PTPN11: variants seen among roughly 807,000 people sequenced by gnomAD.
PTPN11 encodes protein tyrosine phosphatase non-receptor type 11.
A neutral mutation model predicts 78.8 loss-of-function variants in PTPN11; 6 were observed. The ratio of observed to expected loss-of-function variants is 0.08; its 90% confidence interval spans 0.04 to 0.15. PTPN11 has a LOEUF of 0.15. Among genes scored for constraint, PTPN11 ranks in the 10% least tolerant of loss-of-function variants. The pLI, the probability that PTPN11 is intolerant of heterozygous loss-of-function variation, is 1.00. For missense variants in PTPN11, 386 were observed against 744.8 expected, an observed-to-expected ratio of 0.52 and a Z score of 5.61; for synonymous variants, 221 against 263.5, an observed-to-expected ratio of 0.84 and a Z score of 1.56.
chr12:112,505,632 G>A (rs1224983965), intron 15 of PTPN11, among the ~76,000 whole-genome samples, 193 bp from the exon 16 acceptor site: 1 of 144,580 alleles, frequency 6.9e-6, no homozygotes, highest in Non-Finnish European at 1.5e-5. Context: ...ACTCCACCTG[G>A]GCCACAAGAG....
chr12:112,425,248 G>A (rs986870841), intron 1 of PTPN11, among the ~76,000 whole-genome samples: 4 of 151,178 alleles, frequency 2.6e-5, no homozygotes, highest in African/African-American at 9.7e-5. Context: ...GTTCATCAGT[G>A]GGGGGGGCTA....
At chr12:112,426,825 C>T (rs916298221) in intron 1 of PTPN11, among the ~76,000 whole-genome samples, 2 of 151,906 alleles carry the variant, frequency 1.3e-5, no homozygotes, top group Admixed American at 6.6e-5. Flanking sequence ...TTTGTAGATA[C>T]GAGGTCTCAC....
chr12:112,431,150 G>A (rs1258792479), intron 1 of PTPN11, among the ~76,000 whole-genome samples: 1 of 152,252 alleles, frequency 6.6e-6, no homozygotes, highest in Non-Finnish European at 1.5e-5. Context: ...GTGGATGTAG[G>A]AGAGAGCAGT....
intron 5 of PTPN11, 99 bp from the exon 6 acceptor site, chr12:112,455,850 TA>T (rs376134927): frequency 5.4e-5 from 42 of 772,990 alleles, no homozygotes; most frequent in East Asian, 4.1e-4. Context: ...TCCGTGCCTT[TA>T]TGAATATCAA....
chr12:112,441,971 G>T (rs1488921266), intron 1 of PTPN11, among the ~76,000 whole-genome samples: 1 of 151,656 alleles, frequency 6.6e-6, no homozygotes, highest in African/African-American at 2.4e-5. Context: ...TAGAGAGGGG[G>T]TTTCACTGTG....
At chr12:112,461,262 G>A (rs1314132048) in intron 6 of PTPN11, among the ~76,000 whole-genome samples, 1 of 151,332 alleles carries the variant, frequency 6.6e-6, no homozygotes, top group Non-Finnish European at 1.5e-5. Context: ...TGTTAGGTTG[G>A]CATATTTCTA....
chr12:112,425,810 C>T (rs1460079505), intron 1 of PTPN11, among the ~76,000 whole-genome samples: 1 of 152,158 alleles, frequency 6.6e-6, no homozygotes, highest in African/African-American at 2.4e-5. Flanking sequence ...CTTACTGTAG[C>T]CTCAACCTCC....
In PTPN11 at chr12:112,508,208, T is replaced by C. The variant is rs1162085235; in HGVS notation, c.*2416T>C. ...GTTTTGTTATAAGATATTGATTTCATTTAGATTTCCCTCCACGAGGTCAGC... is the reference window on the plus strand; with the variant it reads ...GTTTTGTTATAAGATATTGATTTCACTTAGATTTCCCTCCACGAGGTCAGC... On this transcript the variant is annotated 3_prime_UTR_variant, in exon 16 of 16. Transcript: ENST00000351677. 1 of 152,646 alleles carries C rather than the reference T, an allele frequency of 6.6e-6. No individual in the cohort carries two copies. The highest frequency in any genetic ancestry group is 2.4e-5 in the African/African-American group (1 of 41,454). 9.5% of individuals were successfully genotyped at this position (152,646 alleles called of 1,614,324 possible).
At chr12:112,426,514 C>T (rs555966631) in intron 1 of PTPN11, among the ~76,000 whole-genome samples, 2 of 152,208 alleles carry the variant, frequency 1.3e-5, no homozygotes, top group Non-Finnish European at 2.9e-5. Flanking sequence ...GCCTCAGCCT[C>T]CCAAAGTGAT....
At chr12:112,476,760 C>T (rs1018889370) in intron 7 of PTPN11, among the ~76,000 whole-genome samples, 3 of 152,082 alleles carry the variant, frequency 2.0e-5, no homozygotes, top group Non-Finnish European at 2.9e-5. Flanking sequence ...CAGAGGAAAA[C>T]CCTGTCTCAA....
intron 6 of PTPN11, among the ~76,000 whole-genome samples, chr12:112,460,303 A>G (rs1443488525): frequency 2.0e-5 from 3 of 152,186 alleles, no homozygotes; most frequent in Non-Finnish European, 1.5e-5. Context: ...AAAAATTTCA[A>G]ATGTGTATAA....
At chr12:112,473,804 C>G (rs1217258805) in intron 7 of PTPN11, among the ~76,000 whole-genome samples, 1 of 151,028 alleles carries the variant, frequency 6.6e-6, no homozygotes, top group Non-Finnish European at 1.5e-5. Context: ...CGAGATGTGC[C>G]ATTGCACTCC....
intron 7 of PTPN11, 143 bp downstream of exon 7, chr12:112,473,183 A>G (rs2135895245): frequency 4.2e-6 from 3 of 717,686 alleles, no homozygotes; most frequent in Admixed American, 2.3e-5. Context: ...TTCCAAAATA[A>G]TCAACCATGG....
chr12:112,442,463 T>A (rs2037908491), intron 1 of PTPN11, among the ~76,000 whole-genome samples: 1 of 152,036 alleles, frequency 6.6e-6, no homozygotes, highest in East Asian at 1.9e-4. Flanking sequence ...TTAATTAATT[T>A]ATTTTTTGAG....
At chr12:112,488,811 G>A (rs1253908745) in intron 12 of PTPN11, among the ~76,000 whole-genome samples, 1 of 152,152 alleles carries the variant, frequency 6.6e-6, no homozygotes, top group Admixed American at 6.5e-5. Flanking sequence ...GGCAAGTGAG[G>A]GAATCCTGAC....
chr12:112,457,211 C>G (rs1326510318), intron 6 of PTPN11: 7 of 393,434 alleles, frequency 1.8e-5, no homozygotes, highest in Non-Finnish European at 3.5e-5. Context: ...GAGTTTGCCC[C>G]CATCCCCAGA....
chr12:112,462,327 T>C (rs544751749), intron 6 of PTPN11, among the ~76,000 whole-genome samples: 2 of 152,132 alleles, frequency 1.3e-5, no homozygotes, highest in Admixed American at 1.3e-4. Flanking sequence ...CACTGTACTC[T>C]AGGGTGACAG....
chr12:112,434,501 G>A (rs1424475419), intron 1 of PTPN11, among the ~76,000 whole-genome samples: 1 of 151,692 alleles, frequency 6.6e-6, no homozygotes, highest in African/African-American at 2.4e-5. Flanking sequence ...TCTGCTACTC[G>A]GGAGGCTGAG....
rs891822959 is a variant in PTPN11, at chr12:112,490,547, T to G, written c.1599+1372T>G. Among the ~76,000 whole-genome samples, 3 of 152,096 alleles carry G rather than the reference T, an allele frequency of 2.0e-5. No homozygotes were observed. The East Asian group carries it at 5.8e-4, about 29-fold the overall frequency. Reference sequence around the variant, plus strand: ...GTCTCGAATTCCTAGGCTCAAGCAGTGCTTCTGCCTCAGCCTCTCTGAGTA... The same window carrying G: ...GTCTCGAATTCCTAGGCTCAAGCAGGGCTTCTGCCTCAGCCTCTCTGAGTA... On this transcript the variant is annotated intron_variant, in intron 13 of 15. Coordinates refer to ENST00000351677, the MANE Select transcript of PTPN11 (RefSeq NM_002834.5).
Sources: gnomAD v4.1 joint callset for allele counts (sites outside exome capture counted in the v4.1 genomes callset) on GRCh38, gnomAD v4.1.1 for gene constraint, MANE v1.5 for transcripts, NCBI Gene and HGNC (gene_info 2026-07-23, HGNC 2026-07-21) for gene names.